Variants in RNF182 observed in about 807,000 individuals in gnomAD.
The protein encoded by RNF182 is E3 ubiquitin-protein ligase RNF182.
RNF182 carries 15 observed loss-of-function variants against 14.4 expected under a neutral mutation model. That is an observed-to-expected ratio of 1.04 (90% CI 0.70 to 1.60). The LOEUF is 1.60. Among genes scored for constraint, RNF182 ranks in the 40% most tolerant of loss-of-function variants. The probability of loss-of-function intolerance (pLI) is 0.00; values close to 1 mark genes in which losing one functional copy is unlikely to be tolerated. For synonymous variants in RNF182, 128 were observed against 122.9 expected, an observed-to-expected ratio of 1.04 and a Z score of -0.27; for missense variants, 268 against 294.8, an observed-to-expected ratio of 0.91 and a Z score of 0.67.
At position 13,977,673 on chromosome 6, in the gene RNF182, T is replaced by G; in HGVS notation, c.554T>G (p.Leu185Ter). 1 of 1,614,148 alleles carries G rather than the reference T, an allele frequency of 6.2e-7. No homozygotes were observed. The highest frequency in any genetic ancestry group is 2.2e-5 in the East Asian group (1 of 44,878). ...SLLFQTSIRV[L>*]VWLLGLLYFS... ...CTGTTTCAGACATCCATCCGGGTGT[T>G]AGTGTGGTTGCTAGGTTTGCTCTAC... Residue 185 changes from leucine to a stop codon, truncating the protein, a stop_gained, in exon 3 of 3, where the codon TTA becomes TGA. Coordinates refer to ENST00000488300, the MANE Select transcript of RNF182 (RefSeq NM_152737.4). LOFTEE classifies it high-confidence loss of function.
intron 1 of RNF182, among the ~76,000 whole-genome samples, chr6:13,954,078 T>C (rs535379370): frequency 6.6e-6 from 1 of 152,326 alleles, no homozygotes; most frequent in South Asian, 2.1e-4. Flanking sequence ...AATCCCTTTT[T>C]ACTTATCACT....
intron 1 of RNF182, among the ~76,000 whole-genome samples, chr6:13,956,076 C>T (rs1161816580): frequency 2.0e-5 from 3 of 152,158 alleles, no homozygotes; most frequent in East Asian, 1.9e-4. Flanking sequence ...TTTCACTTCA[C>T]ATAATGTCGT....
At chr6:13,960,234 A>C (rs2113628013) in intron 1 of RNF182, among the ~76,000 whole-genome samples, 1 of 152,358 alleles carries the variant, frequency 6.6e-6, no homozygotes, top group East Asian at 1.9e-4. Flanking sequence ...TTGCATCCCC[A>C]GCATCTTGCA....
chr6:13,935,861 T>C (rs1462370837), intron 1 of RNF182, among the ~76,000 whole-genome samples: 1 of 152,228 alleles, frequency 6.6e-6, no homozygotes, highest in Admixed American at 6.5e-5. Context: ...ATGAGTGTAT[T>C]AGTCCATTCT....
intron 1 of RNF182, among the ~76,000 whole-genome samples, chr6:13,940,454 T>C (rs975148303): frequency 4.6e-5 from 7 of 152,194 alleles, no homozygotes; most frequent in African/African-American, 7.2e-5. Context: ...AGTAGCTGAA[T>C]AGTGCCTCCC....
At chr6:13,924,827 T>A (rs1585025327), upstream of RNF182, 1 of 150,650 alleles carries the variant, frequency 6.6e-6, no homozygotes, top group Non-Finnish European at 1.5e-5. Context: ...CCCGGACTGC[T>A]GAGGGGAAGG....
At chr6:13,943,130 A>G (rs539869289) in intron 1 of RNF182, among the ~76,000 whole-genome samples, 14 of 152,346 alleles carry the variant, frequency 9.2e-5, no homozygotes, top group Admixed American at 8.5e-4. Context: ...CTAAATGGTG[A>G]AAGTAGTTTC....
intron 1 of RNF182, among the ~76,000 whole-genome samples, chr6:13,948,854 CT>C (rs550672796): frequency 2.6e-5 from 4 of 151,492 alleles, no homozygotes; most frequent in African/African-American, 4.8e-5. Context: ...TCTCTCCTTT[CT>C]TTTTTTTTCT....
intron 1 of RNF182, among the ~76,000 whole-genome samples, chr6:13,948,076 A>G (rs1759482963): frequency 6.6e-6 from 1 of 152,216 alleles, no homozygotes; most frequent in Non-Finnish European, 1.5e-5. Context: ...AACAAAACAA[A>G]GGCAAAAAGT....
intron 1 of RNF182, among the ~76,000 whole-genome samples, chr6:13,945,514 A>G (rs989759084): frequency 6.6e-6 from 1 of 152,162 alleles, no homozygotes; most frequent in African/African-American, 2.4e-5. Context: ...GTGTGATGCT[A>G]TAGGTTAGGC....
intron 1 of RNF182, chr6:13,949,710 T>G (rs1454945569): frequency 4.0e-6 from 1 of 248,904 alleles, no homozygotes; most frequent in Non-Finnish European, 8.0e-6. Flanking sequence ...TATGTATCTT[T>G]GTGTACGATA....
intron 1 of RNF182, among the ~76,000 whole-genome samples, chr6:13,938,175 A>ATTTTT (rs1169253099): frequency 4.3e-5 from 4 of 92,732 alleles, no homozygotes; most frequent in African/African-American, 8.7e-5. Flanking sequence ...AATTTTTTGT[A>ATTTTT]TTTTTTTTTT....
chr6:13,977,818 G>A lies in RNF182; in HGVS notation c.699G>A (p.Gln233=). Residue 233 remains glutamine (Q), a synonymous_variant, in exon 3 of 3, where the codon CAG becomes CAA. Coordinates refer to ENST00000488300, the MANE Select transcript of RNF182 (RefSeq NM_152737.4). The part of the protein sequence containing the change: ...LVILMVYGFC[Q]CVCHEFLDCM... ...TTCTTATGGTGTATGGTTTTTGCCAGTGTGTTTGTCATGAATTTCTAGACT... is the reference window on the plus strand; with the variant it reads ...TTCTTATGGTGTATGGTTTTTGCCAATGTGTTTGTCATGAATTTCTAGACT... 6.2e-7 allele frequency: 1 copy of A among 1,614,020 alleles called. No individual in the cohort carries two copies. Among genetic ancestry groups the A allele is most frequent in the South Asian group, 1.1e-5 (1 of 91,058 alleles).
At position 13,978,148 on chromosome 6, in the gene RNF182, A is replaced by G. The variant is rs141992980; in HGVS notation, c.*285A>G. Reference sequence around the variant, plus strand: ...GGTTTCTCTCAGCACTGCCAGACAGACGGCAGGGGTGTGGTGTGTTATACT... The same window carrying G: ...GGTTTCTCTCAGCACTGCCAGACAGGCGGCAGGGGTGTGGTGTGTTATACT... On this transcript the variant is annotated 3_prime_UTR_variant, in exon 3 of 3. Coordinates refer to ENST00000488300, the MANE Select transcript of RNF182 (RefSeq NM_152737.4). The G allele has an allele frequency of 1.2e-3, 407 of 350,864 alleles. 1 individual carries two copies. The highest frequency in any genetic ancestry group is 7.6e-3 in the African/African-American group (368 of 48,170). The allele number at this position is 350,864 out of a possible 1,614,324, so 21.7% of individuals were successfully genotyped here.
At chr6:13,952,133 G>A (rs1006345870) in intron 1 of RNF182, among the ~76,000 whole-genome samples, 4 of 152,106 alleles carry the variant, frequency 2.6e-5, no homozygotes, top group East Asian at 3.9e-4. Context: ...AGGGAAGGGC[G>A]AAAAGCATTG....
At chr6:13,963,365 A>G (rs1460051939) in intron 1 of RNF182, among the ~76,000 whole-genome samples, 1 of 152,208 alleles carries the variant, frequency 6.6e-6, no homozygotes. Context: ...TTTGGAAAGA[A>G]ATAGCATGCT....
In RNF182 at chr6:13,948,729, T is replaced by A. The variant is rs535443533; in HGVS notation, c.-367+23706T>A. On this transcript the variant is annotated intron_variant, in intron 1 of 2. Coordinates refer to ENST00000488300, the MANE Select transcript of RNF182 (RefSeq NM_152737.4). ...ACACTTTATGTTATAAAATAGAATCTCAGGTCACTGTAAGTCATTTATTTA... is the reference window on the plus strand; with the variant it reads ...ACACTTTATGTTATAAAATAGAATCACAGGTCACTGTAAGTCATTTATTTA... Among the ~76,000 whole-genome samples the A allele has an allele frequency of 2.5e-4, 38 of 152,264 alleles. No individual in the cohort carries two copies. The South Asian group carries it at 4.8e-3, about 19-fold the overall frequency.
At chr6:13,945,516 A>G in intron 1 of RNF182, among the ~76,000 whole-genome samples, 1 of 152,160 alleles carries the variant, frequency 6.6e-6, no homozygotes, top group East Asian at 1.9e-4. Context: ...GTGATGCTAT[A>G]GGTTAGGCAA....
At chr6:13,953,725 G>C (rs555191016) in intron 1 of RNF182, among the ~76,000 whole-genome samples, 1 of 152,134 alleles carries the variant, frequency 6.6e-6, no homozygotes, top group Non-Finnish European at 1.5e-5. Flanking sequence ...GCATAGATGC[G>C]CCTTCTCTGC....
Sources: gnomAD v4.1 joint callset for allele counts (sites outside exome capture counted in the v4.1 genomes callset) on GRCh38, gnomAD v4.1.1 for gene constraint, MANE v1.5 for transcripts, NCBI Gene and HGNC (gene_info 2026-07-23, HGNC 2026-07-21) for gene names.